Variants in CSMD1 observed in about 807,000 individuals in gnomAD.
The protein encoded by CSMD1 is CUB and Sushi multiple domains 1.
In CSMD1, 213 loss-of-function variants were observed where a neutral mutation model predicts 417.5. The ratio of observed to expected loss-of-function variants is 0.51; its 90% CI spans 0.46 to 0.57. The LOEUF is 0.57. Ranked by LOEUF, CSMD1 falls within the 20% of genes least tolerant of loss-of-function variation. The pLI is 0.00. For missense variants in CSMD1, 6,923 were observed against 4,529.7 expected (o/e 1.53, Z -15.17); for synonymous variants, 2,862 against 1,736.8 (o/e 1.65, Z -16.11).
At chr8:3,155,325 T>C in intron 39 of CSMD1, among the ~76,000 whole-genome samples, 1 of 149,426 alleles carries the variant, frequency 6.7e-6, no homozygotes, top group South Asian at 2.1e-4. Flanking sequence ...GTTTTTTAAA[T>C]TTTTTAATTT....
chr8:3,516,083 G>C (rs878913665), intron 10 of CSMD1, among the ~76,000 whole-genome samples: 1 of 151,846 alleles, frequency 6.6e-6, no homozygotes, highest in African/African-American at 2.4e-5. Flanking sequence ...CTGGAGCTCA[G>C]ACAGCCTGGT....
At chr8:3,411,802 A>ATATGTG (rs1812739934) in intron 12 of CSMD1, among the ~76,000 whole-genome samples, 1 of 125,374 alleles carries the variant, frequency 8.0e-6, no homozygotes, top group Admixed American at 8.2e-5. Context: ...ACACGTATAT[A>ATATGTG]TACACGTATA....
intron 16 of CSMD1, 72 bp from the exon 17 acceptor site, chr8:3,396,453 C>T (rs1811708579): frequency 9.1e-7 from 1 of 1,102,930 alleles, no homozygotes; most frequent in Admixed American, 3.0e-5. Context: ...CTGACATCCT[C>T]ATTCCTTAAT....
At chr8:4,564,051 T>C (rs946883500) in intron 2 of CSMD1, among the ~76,000 whole-genome samples, 2 of 152,192 alleles carry the variant, frequency 1.3e-5, no homozygotes, top group Non-Finnish European at 2.9e-5. Flanking sequence ...TTAGCGAACA[T>C]TCCTAGCATA....
intron 38 of CSMD1, among the ~76,000 whole-genome samples, chr8:3,161,083 G>A (rs1563098195): frequency 1.3e-5 from 2 of 152,228 alleles, no homozygotes; most frequent in Middle Eastern, 3.4e-3. Context: ...TGAATTAACT[G>A]AAGAGCTGGA....
rs1242872328 is a variant in CSMD1, at chr8:3,245,627, C to A, written c.4154-15396G>T. ...TCCAGGAAAGGACAGGAGCCTAAAT[C>A]TTCCGCAGGCACCTGACTCCAAGTT... is the stretch of plus-strand genomic sequence containing the variant. On this transcript the variant is annotated intron_variant, in intron 26 of 69. Transcript: ENST00000635120. Among the ~76,000 whole-genome samples, 2 of 152,182 alleles carry A rather than the reference C, an allele frequency of 1.3e-5. 1 individual carries two copies. The highest frequency in any genetic ancestry group is 2.9e-5 in the Non-Finnish European group (2 of 68,040).
At chr8:4,153,438 T>C (rs575262741) in intron 3 of CSMD1, among the ~76,000 whole-genome samples, 1 of 152,356 alleles carries the variant, frequency 6.6e-6, no homozygotes, top group South Asian at 2.1e-4. Context: ...TGCCCCGCAC[T>C]TAGCAGATGA....
At chr8:4,039,199 C>T (rs756992788) in intron 3 of CSMD1, among the ~76,000 whole-genome samples, 4 of 152,068 alleles carry the variant, frequency 2.6e-5, no homozygotes, top group Non-Finnish European at 4.4e-5. Flanking sequence ...AATCTAGGTC[C>T]CTTAGGGTTT....
At chr8:3,830,449 T>G (rs1802311181) in intron 5 of CSMD1, among the ~76,000 whole-genome samples, 1 of 152,242 alleles carries the variant, frequency 6.6e-6, no homozygotes, top group African/African-American at 2.4e-5. Flanking sequence ...CTGTGATTGT[T>G]TTAACACCAT....
intron 7 of CSMD1, among the ~76,000 whole-genome samples, chr8:3,658,831 T>C (rs981071707): frequency 6.6e-6 from 1 of 152,182 alleles, no homozygotes; most frequent in Non-Finnish European, 1.5e-5. Flanking sequence ...GTTTGAATTA[T>C]GGTTAATAAC....
chr8:3,194,175 A>G (rs1484870622), intron 33 of CSMD1, among the ~76,000 whole-genome samples: 5 of 152,202 alleles, frequency 3.3e-5, no homozygotes, highest in African/African-American at 4.8e-5. Flanking sequence ...TGCTTTTTAT[A>G]GGCTCTTGAC....
intron 3 of CSMD1, among the ~76,000 whole-genome samples, chr8:4,303,034 T>C (rs1798064367): frequency 6.6e-6 from 1 of 152,162 alleles, no homozygotes; most frequent in South Asian, 2.1e-4. Flanking sequence ...ACTTTTGTGT[T>C]TAGGGAAAAC....
rs866561622 is a variant in CSMD1, at chr8:4,262,768, G to C, written c.415+157185C>G. The stretch of plus-strand genomic sequence containing the variant: ...TTTTCTTTACTTCCTTGCAAACTCA[G>C]CTATGGAGAGGAAGGAAGTATGTTC... On this transcript the variant is annotated intron_variant, in intron 3 of 69. Transcript: ENST00000635120. Among the ~76,000 whole-genome samples, 18 of 152,252 alleles carry C rather than the reference G, an allele frequency of 1.2e-4. 1 individual carries two copies. The highest frequency in any genetic ancestry group is 8.3e-4 in the South Asian group (4 of 4,828).
At chr8:4,140,871 G>C (rs1020316971) in intron 3 of CSMD1, among the ~76,000 whole-genome samples, 2 of 151,020 alleles carry the variant, frequency 1.3e-5, no homozygotes, top group Non-Finnish European at 2.9e-5. Context: ...GGGCATTTGG[G>C]AGATTGCTGA....
intron 1 of CSMD1, among the ~76,000 whole-genome samples, chr8:4,944,760 G>A (rs544610497): frequency 1.3e-5 from 2 of 152,218 alleles, no homozygotes; most frequent in Admixed American, 1.3e-4. Flanking sequence ...AACTGTTGGC[G>A]AGGATGTAAA....
intron 1 of CSMD1, among the ~76,000 whole-genome samples, chr8:4,729,667 C>T (rs1481487925): frequency 6.6e-6 from 1 of 152,160 alleles, no homozygotes; most frequent in Non-Finnish European, 1.5e-5. Context: ...TATTTGGCAA[C>T]AGAAGACTAG....
intron 46 of CSMD1, among the ~76,000 whole-genome samples, chr8:3,098,782 C>G (rs550196831): frequency 2.1e-4 from 32 of 152,270 alleles, no homozygotes; most frequent in Middle Eastern, 3.4e-3. Flanking sequence ...CTCCACAGAC[C>G]CGCCTTGACT....
chr8:3,685,619 G>A (rs1471418925), intron 7 of CSMD1, among the ~76,000 whole-genome samples: 1 of 152,172 alleles, frequency 6.6e-6, no homozygotes, highest in Non-Finnish European at 1.5e-5. Flanking sequence ...GATCTGGTGA[G>A]TTTCATTTCT....
At chr8:3,896,296 G>A (rs1183726269) in intron 5 of CSMD1, among the ~76,000 whole-genome samples, 1 of 151,990 alleles carries the variant, frequency 6.6e-6, no homozygotes, top group Non-Finnish European at 1.5e-5. Flanking sequence ...CATCGCCTTG[G>A]GAAAAATGCA....
Sources: allele counts gnomAD v4.1 joint callset (sites outside exome capture counted in the v4.1 genomes callset), GRCh38; gene constraint gnomAD v4.1.1; transcripts MANE v1.5; gene names NCBI Gene and HGNC (gene_info 2026-07-23, HGNC 2026-07-21).